Variants in PDE4B observed in about 807,000 individuals in gnomAD.
PDE4B encodes the protein phosphodiesterase 4B.
PDE4B carries 20 observed loss-of-function variants against 82.2 expected under a neutral mutation model. The observed-to-expected ratio is 0.24, with a 90% CI of 0.17 to 0.35. PDE4B has a LOEUF of 0.35. Among genes scored for constraint, PDE4B ranks in the 10% least tolerant of loss-of-function variants. PDE4B has a pLI of 1.00. For synonymous variants in PDE4B, 320 were observed against 318.9 expected, an observed-to-expected ratio of 1.00 and a Z score of -0.04; for missense variants, 655 against 907.2, an observed-to-expected ratio of 0.72 and a Z score of 3.57.
At chr1:66,025,153 A>G (rs1309029976) in intron 3 of PDE4B, among the ~76,000 whole-genome samples, 2 of 152,122 alleles carry the variant, frequency 1.3e-5, no homozygotes, top group African/African-American at 4.8e-5. Context: ...AGTGATCACA[A>G]TATGGTAGCA....
chr1:66,304,821 A>G (rs1658155982), intron 7 of PDE4B, among the ~76,000 whole-genome samples: 4 of 152,152 alleles, frequency 2.6e-5, no homozygotes, highest in African/African-American at 9.6e-5. Flanking sequence ...GGACATTACT[A>G]AAATCCACTT....
chr1:65,899,428 C>T (rs2100415753), intron 1 of PDE4B, among the ~76,000 whole-genome samples: 1 of 152,000 alleles, frequency 6.6e-6, no homozygotes, highest in Non-Finnish European at 1.5e-5. Context: ...CCTTAAAGAA[C>T]TAAAAGTAGA....
intron 3 of PDE4B, among the ~76,000 whole-genome samples, chr1:66,218,929 T>C (rs1182561301): frequency 1.3e-5 from 2 of 152,144 alleles, no homozygotes; most frequent in Non-Finnish European, 2.9e-5. Context: ...TTATGTTTTG[T>C]TTATAGAAAA....
intron 3 of PDE4B, among the ~76,000 whole-genome samples, chr1:66,224,792 G>A (rs113757875): frequency 4.6e-5 from 7 of 152,182 alleles, no homozygotes; most frequent in Non-Finnish European, 7.3e-5. Flanking sequence ...AATCTCAGAT[G>A]AGCTGTCAAT....
At chr1:65,962,771 A>G (rs754150711) in intron 3 of PDE4B, among the ~76,000 whole-genome samples, 3 of 152,180 alleles carry the variant, frequency 2.0e-5, no homozygotes, top group African/African-American at 4.8e-5. Flanking sequence ...AGGCAGGTCT[A>G]TGTCCTGTCC....
intron 3 of PDE4B, among the ~76,000 whole-genome samples, chr1:66,184,061 A>C (rs1006871464): frequency 1.3e-5 from 2 of 152,150 alleles, no homozygotes; most frequent in African/African-American, 4.8e-5. Context: ...GACACAAACA[A>C]TGTTTGGAAA....
intron 3 of PDE4B, among the ~76,000 whole-genome samples, chr1:66,184,426 T>C (rs1330963384): frequency 4.6e-5 from 7 of 152,202 alleles, no homozygotes; most frequent in African/African-American, 1.7e-4. Context: ...TCTGCCTTTA[T>C]AGGTCTTTCA....
At chr1:66,127,257 A>T (rs1645843762) in intron 3 of PDE4B, among the ~76,000 whole-genome samples, 1 of 152,116 alleles carries the variant, frequency 6.6e-6, no homozygotes, top group Admixed American at 6.5e-5. Context: ...ACAATAGGGG[A>T]GCTGGCTGAA....
chr1:66,124,139 C>T (rs1280254403), intron 3 of PDE4B, among the ~76,000 whole-genome samples: 1 of 152,002 alleles, frequency 6.6e-6, no homozygotes, highest in Non-Finnish European at 1.5e-5. Context: ...TCATGAGAGG[C>T]GATGTGCTTA....
intron 3 of PDE4B, among the ~76,000 whole-genome samples, chr1:65,935,797 C>T (rs1348311177): frequency 1.3e-5 from 2 of 151,964 alleles, no homozygotes; most frequent in Non-Finnish European, 2.9e-5. Flanking sequence ...CAAAATTAGC[C>T]ATGGTGGCAT....
chr1:66,151,966 C>T (rs55945245), intron 3 of PDE4B, among the ~76,000 whole-genome samples: 2,308 of 152,198 alleles, frequency 0.015, 51 homozygotes, highest in African/African-American at 0.053. Context: ...GAAGTTAACT[C>T]GACTGAATGA....
intron 3 of PDE4B, among the ~76,000 whole-genome samples, chr1:66,149,079 T>C (rs1477464866): frequency 6.6e-6 from 1 of 152,240 alleles, no homozygotes; most frequent in Non-Finnish European, 1.5e-5. Context: ...GTACCGTTTT[T>C]CAATCCCTTC....
chr1:66,153,121 G>A (rs1646436060), intron 3 of PDE4B, among the ~76,000 whole-genome samples: 1 of 152,152 alleles, frequency 6.6e-6, no homozygotes. Flanking sequence ...CTCCCACCTT[G>A]TATTTTCCAT....
intron 3 of PDE4B, among the ~76,000 whole-genome samples, chr1:66,002,513 G>A (rs1651920704): frequency 6.6e-6 from 1 of 151,966 alleles, no homozygotes; most frequent in Non-Finnish European, 1.5e-5. Context: ...AAGAGATGAT[G>A]TCTATAAGAT....
chr1:66,303,085 T>TTAGGCACTAAGAACA (rs1270374671), intron 7 of PDE4B, among the ~76,000 whole-genome samples: 1 of 152,144 alleles, frequency 6.6e-6, no homozygotes, highest in Non-Finnish European at 1.5e-5. Flanking sequence ...TAAGAATACT[T>TTAGGCACTAAGAACA]ATTCACGAGT....
chr1:66,146,839 T>A (rs1194355209), intron 3 of PDE4B, among the ~76,000 whole-genome samples: 1 of 152,230 alleles, frequency 6.6e-6, no homozygotes, highest in Admixed American at 6.5e-5. Context: ...AAATTAGTGT[T>A]CCATTAAAAG....
intron 3 of PDE4B, among the ~76,000 whole-genome samples, chr1:65,947,585 G>T (rs751968092): frequency 2.6e-5 from 4 of 151,886 alleles, no homozygotes; most frequent in Admixed American, 2.0e-4. Flanking sequence ...TTAAGATGAG[G>T]TCATACTGGA....
intron 3 of PDE4B, among the ~76,000 whole-genome samples, chr1:66,219,770 A>C (rs1318582663): frequency 2.0e-5 from 3 of 152,148 alleles, no homozygotes; most frequent in Admixed American, 1.3e-4. Flanking sequence ...ATGACCTTTC[A>C]GAGAAACAAG....
In PDE4B at chr1:65,913,237, T is replaced by C; in HGVS notation, c.-70-8T>C. 1 of 1,236,300 alleles carries C rather than the reference T, an allele frequency of 8.1e-7. No individual in the cohort carries two copies. The highest frequency in any genetic ancestry group is 1.2e-6 in the Non-Finnish European group (1 of 839,776). The allele number at this position is 1,236,300 out of a possible 1,614,324, so 76.6% of individuals were successfully genotyped here. A position where few individuals can be genotyped will look rare whatever the true frequency, so the allele number is the denominator to read the frequency against. On this transcript the variant is annotated splice_region_variant and splice_polypyrimidine_tract_variant and intron_variant, in intron 1 of 16. Transcript: ENST00000341517. ...CTGTTCTTTTTTGTGTGTTTTTTTC[T>C]CCTGTAGGTATTAAAAAGTGTCAGC...
Sources: allele counts gnomAD v4.1 joint callset (sites outside exome capture counted in the v4.1 genomes callset), GRCh38; gene constraint gnomAD v4.1.1; transcripts MANE v1.5; gene names NCBI Gene and HGNC (gene_info 2026-07-23, HGNC 2026-07-21).